BACH2: variants seen among roughly 807,000 people sequenced by gnomAD.
The protein encoded by BACH2 is BACH transcriptional regulator 2.
A neutral mutation model predicts 61.8 loss-of-function variants in BACH2; 5 were observed. That is an observed-to-expected ratio of 0.08 (90% CI 0.04 to 0.17). The LOEUF (loss-of-function observed/expected upper bound fraction) is 0.17, where lower values mean the gene tolerates loss of function less well. Ranked by LOEUF, BACH2 falls within the 10% of genes least tolerant of loss-of-function variation. The pLI, the probability that BACH2 is intolerant of heterozygous loss-of-function variation, is 1.00. For synonymous variants in BACH2, 446 were observed against 440.1 expected, an observed-to-expected ratio of 1.01 and a Z score of -0.17; for missense variants, 824 against 1,091.1, an observed-to-expected ratio of 0.76 and a Z score of 3.45.
intron 6 of BACH2, among the ~76,000 whole-genome samples, chr6:89,965,818 A>T (rs1472822177): frequency 6.6e-5 from 10 of 152,218 alleles, no homozygotes; most frequent in Admixed American, 1.3e-4. Context: ...AAGTAGCTTG[A>T]CACACCACTA....
At chr6:89,953,227 G>C (rs1322258383) in intron 6 of BACH2, 2 of 152,176 alleles carry the variant, frequency 1.3e-5, no homozygotes, top group Non-Finnish European at 2.9e-5. Flanking sequence ...ACTCCTTTGG[G>C]AGTGCTCTCC....
intron 4 of BACH2, among the ~76,000 whole-genome samples, chr6:90,167,215 G>T (rs1463077654): frequency 1.3e-5 from 2 of 152,166 alleles, no homozygotes; most frequent in African/African-American, 4.8e-5. Context: ...GAAGCTATGT[G>T]GTAGAGCATG....
At chr6:89,973,428 C>T (rs1775480403) in intron 6 of BACH2, among the ~76,000 whole-genome samples, 1 of 152,158 alleles carries the variant, frequency 6.6e-6, no homozygotes, top group Non-Finnish European at 1.5e-5. Context: ...ACCAAACCTA[C>T]CAGTTCTATG....
chr6:89,981,047 G>A lies in BACH2; in HGVS notation c.243+27555C>T, dbSNP rs1258288354. ...TAATTAGATATTGGTATTTTGGGAA[G>A]AAAAAAAATATAACCCAAATGCAAG... On this transcript the variant is annotated intron_variant, in intron 6 of 8. Transcript: ENST00000257749. Among the ~76,000 whole-genome samples the A allele has an allele frequency of 2.0e-5, 3 of 148,650 alleles. No homozygotes were observed. The East Asian group carries it at 5.9e-4, about 29-fold the overall frequency.
At chr6:89,937,777 C>T (rs745572200) in intron 8 of BACH2, among the ~76,000 whole-genome samples, 7 of 152,154 alleles carry the variant, frequency 4.6e-5, no homozygotes, top group East Asian at 1.9e-4. Context: ...GTGATCCACC[C>T]GCCTTGGCCT....
At chr6:90,277,536 G>T (rs1279358016) in intron 1 of BACH2, among the ~76,000 whole-genome samples, 1 of 152,174 alleles carries the variant, frequency 6.6e-6, no homozygotes, top group Non-Finnish European at 1.5e-5. Flanking sequence ...TGATAATGCT[G>T]TGTCTTAATC....
At chr6:90,237,570 T>C (rs1344589271) in intron 3 of BACH2, among the ~76,000 whole-genome samples, 2 of 152,188 alleles carry the variant, frequency 1.3e-5, no homozygotes, top group African/African-American at 2.4e-5. Context: ...CATCTGTTTG[T>C]TTTGTGACAT....
chr6:89,971,450 T>C (rs1046253778), intron 6 of BACH2, among the ~76,000 whole-genome samples: 1 of 152,134 alleles, frequency 6.6e-6, no homozygotes, highest in Non-Finnish European at 1.5e-5. Flanking sequence ...ACAATGAATA[T>C]GAAGGAAACG....
intron 5 of BACH2, among the ~76,000 whole-genome samples, chr6:90,065,452 A>G (rs181625407): frequency 1.3e-5 from 2 of 151,944 alleles, no homozygotes; most frequent in Non-Finnish European, 2.9e-5. Context: ...GACCAGCAGG[A>G]AATACTTTAG....
chr6:90,050,948 T>A (rs1017157424), intron 5 of BACH2, among the ~76,000 whole-genome samples: 6 of 151,976 alleles, frequency 3.9e-5, no homozygotes, highest in Admixed American at 6.6e-5. Context: ...ATTTTTGTAG[T>A]TTTAGTAGAG....
chr6:89,938,088 T>C, intron 8 of BACH2, 56 bp downstream of exon 8: 2 of 1,524,406 alleles, frequency 1.3e-6, no homozygotes, highest in African/African-American at 1.4e-5. Context: ...TTGCTGTTAC[T>C]TTACATTAGT....
chr6:90,087,989 T>G (rs1173074567), intron 5 of BACH2, among the ~76,000 whole-genome samples: 1 of 151,888 alleles, frequency 6.6e-6, no homozygotes, highest in Non-Finnish European at 1.5e-5. Context: ...TTTTTTTTTT[T>G]TGTACCTATT....
intron 4 of BACH2, among the ~76,000 whole-genome samples, chr6:90,204,364 A>G (rs1037851193): frequency 6.6e-6 from 1 of 152,170 alleles, no homozygotes; most frequent in Non-Finnish European, 1.5e-5. Flanking sequence ...GGTTTTATTC[A>G]TGCTGAGAAG....
intron 3 of BACH2, among the ~76,000 whole-genome samples, chr6:90,213,252 G>A (rs976639528): frequency 6.6e-6 from 1 of 152,240 alleles, no homozygotes; most frequent in African/African-American, 2.4e-5. Context: ...CAAGCCCCAT[G>A]TGCCAAGAGC....
At chr6:89,960,267 T>C (rs1432744746) in intron 6 of BACH2, among the ~76,000 whole-genome samples, 3 of 152,184 alleles carry the variant, frequency 2.0e-5, no homozygotes, top group African/African-American at 4.8e-5. Flanking sequence ...GACTTAACAA[T>C]CCAATTTACA....
intron 3 of BACH2, among the ~76,000 whole-genome samples, chr6:90,233,426 C>T (rs1256401818): frequency 6.6e-6 from 1 of 152,212 alleles, no homozygotes; most frequent in Admixed American, 6.5e-5. Context: ...GCCAGCCCCA[C>T]TCCACCCTCC....
At chr6:89,957,514 GCCA>G (rs1425171692) in intron 6 of BACH2, among the ~76,000 whole-genome samples, 4 of 152,004 alleles carry the variant, frequency 2.6e-5, no homozygotes, top group African/African-American at 7.3e-5. Context: ...ACAGGTGTAA[GCCA>G]CCACATCTGG....
chr6:90,081,731 G>T (rs1781731539), intron 5 of BACH2, among the ~76,000 whole-genome samples: 1 of 151,994 alleles, frequency 6.6e-6, no homozygotes, highest in African/African-American at 2.4e-5. Flanking sequence ...ATCCCTTCTA[G>T]CAGCTAGCTG....
intron 5 of BACH2, among the ~76,000 whole-genome samples, chr6:90,061,807 G>A (rs898638881): frequency 3.3e-5 from 5 of 152,198 alleles, no homozygotes; most frequent in African/African-American, 1.2e-4. Context: ...AGAAGCTGAG[G>A]AAGATGCGGC....
Sources: allele counts gnomAD v4.1 joint callset (sites outside exome capture counted in the v4.1 genomes callset), GRCh38; gene constraint gnomAD v4.1.1; transcripts MANE v1.5; gene names NCBI Gene and HGNC (gene_info 2026-07-23, HGNC 2026-07-21).